SMG1: variants seen among roughly 807,000 people sequenced by gnomAD.
SMG1 encodes SMG1 nonsense mediated mRNA decay associated PI3K related kinase, also known as serine/threonine-protein kinase SMG1.
In SMG1, 22 loss-of-function variants were observed where a neutral mutation model predicts 419.9. That is an observed-to-expected ratio of 0.05 (90% CI 0.04 to 0.07). The LOEUF is 0.07. SMG1 is among the 10% of genes least tolerant of loss of function. The pLI is 1.00. For synonymous variants in SMG1, 1,538 were observed against 1,553.5 expected, an observed-to-expected ratio of 0.99 and a Z score of 0.23; for missense variants, 3,185 against 4,342.0, an observed-to-expected ratio of 0.73 and a Z score of 7.49.
At chr16:18,864,625 A>G (rs796837044) in intron 23 of SMG1, among the ~76,000 whole-genome samples, 15 of 152,118 alleles carry the variant, frequency 9.9e-5, no homozygotes, top group African/African-American at 3.4e-4. Context: ...CCTCCCAAGT[A>G]GCTGGGACTA....
chr16:18,878,450 A>C (rs546460992), intron 11 of SMG1: 3 of 152,034 alleles, frequency 2.0e-5, no homozygotes, highest in Non-Finnish European at 4.4e-5. Flanking sequence ...TCTCCAAAAA[A>C]TACAAAGGTT....
intron 29 of SMG1, chr16:18,857,111 T>A (rs1437495109): frequency 2.0e-5 from 3 of 152,208 alleles, no homozygotes; most frequent in Non-Finnish European, 4.4e-5. Flanking sequence ...CAACCCCAGG[T>A]ATATTTGGCA....
chr16:18,887,761 GTAAAAAAAAAAAAAA>G (rs2036690616), intron 6 of SMG1, among the ~76,000 whole-genome samples: 1 of 5,554 alleles, frequency 1.8e-4, no homozygotes, highest in African/African-American at 7.5e-4. Flanking sequence ...ATCAAAAACA[GTAAAAAAAAAAAAAA>G]AAAAAAAAAA....
rs1245151410 is a variant in SMG1, at chr16:18,926,209, A to C, written c.-168T>G. Reference sequence around the variant, plus strand: ...AGGAGGAGGCGGCGGAGGGCGGGGGAAGAGGACGGCCGTTCCGGGTTCCGC... The same window carrying C: ...AGGAGGAGGCGGCGGAGGGCGGGGGCAGAGGACGGCCGTTCCGGGTTCCGC... On this transcript the variant is annotated 5_prime_UTR_variant, in exon 1 of 63. Coordinates refer to ENST00000446231, the MANE Select transcript of SMG1 (RefSeq NM_015092.5). 3.8e-5 allele frequency: 23 copies of C among 608,250 alleles called. No individual in the cohort carries two copies. The East Asian group carries it at 7.6e-4, about 20-fold the overall frequency. 37.7% of individuals were successfully genotyped at this position (608,250 alleles called of 1,614,324 possible).
rs1173429107 is a variant in SMG1, at chr16:18,867,038, T to C, written c.3196-263A>G. 1.1e-4 allele frequency among the ~76,000 whole-genome samples: 16 copies of C among 152,286 alleles called. No homozygotes were observed. The East Asian group carries it at 1.2e-3, about 11-fold the overall frequency. On this transcript the variant is annotated intron_variant, in intron 22 of 62. Transcript: ENST00000446231. ...CCAAACATTCAACCTGTGACCTCTG[T>C]AGGAACAACACATGGAGTAAAAAGA...
chr16:18,888,209 G>GATACACAAATGTGAA (rs1401813038), intron 6 of SMG1, among the ~76,000 whole-genome samples: 1 of 143,268 alleles, frequency 7.0e-6, no homozygotes, highest in Non-Finnish European at 1.5e-5. Flanking sequence ...AATATATTCA[G>GATACACAAATGTGAA]ATACACAAAT....
chr16:18,820,930 T>C (rs2032472119), intron 55 of SMG1, among the ~76,000 whole-genome samples: 1 of 152,178 alleles, frequency 6.6e-6, no homozygotes, highest in African/African-American at 2.4e-5. Flanking sequence ...AAGTTTCTCT[T>C]ATGTAAAAAA....
In SMG1 at chr16:18,805,890, G is replaced by A. The variant is rs2030786159; in HGVS notation, c.*3679C>T. ...AATAGTAAAGCATTCACTGATATTT[G>A]ATGTATCTGAATAGGACTAACAGGC... is the stretch of plus-strand genomic sequence containing the variant. On this transcript the variant is annotated 3_prime_UTR_variant, in exon 63 of 63. Coordinates refer to ENST00000446231, the MANE Select transcript of SMG1 (RefSeq NM_015092.5). The A allele has an allele frequency of 6.6e-6, 1 of 152,544 alleles. No homozygotes were observed. The highest frequency in any genetic ancestry group is 2.4e-5 in the African/African-American group (1 of 41,422). 9.4% of individuals were successfully genotyped at this position (152,544 alleles called of 1,614,324 possible).
intron 51 of SMG1, among the ~76,000 whole-genome samples, chr16:18,832,328 T>C (rs1020718037): frequency 6.6e-6 from 1 of 152,204 alleles, no homozygotes; most frequent in Non-Finnish European, 1.5e-5. Flanking sequence ...CAAAGTCAGA[T>C]TGCTTTTCTG....
intron 1 of SMG1, among the ~76,000 whole-genome samples, chr16:18,922,316 G>A (rs565962616): frequency 2.2e-4 from 34 of 152,196 alleles, no homozygotes; most frequent in African/African-American, 8.2e-4. Flanking sequence ...AACCTCCATA[G>A]GTCAGATATC....
chr16:18,910,731 C>T (rs950305967), intron 1 of SMG1, among the ~76,000 whole-genome samples: 1 of 152,070 alleles, frequency 6.6e-6, no homozygotes, highest in Non-Finnish European at 1.5e-5. Flanking sequence ...TTAGAAGATG[C>T]GTGTGGTTCT....
rs4780767 is a variant in SMG1 at position 18,912,311 on chromosome 16, G to A, written c.92+13639C>T. On this transcript the variant is annotated intron_variant, in intron 1 of 62. Coordinates refer to ENST00000446231, the MANE Select transcript of SMG1 (RefSeq NM_015092.5). Reference sequence around the variant, plus strand: ...TATTTATTTGCAAAGAGAAGACAGAGATAACAATAGCAATAATAATAATGT... The same window carrying A: ...TATTTATTTGCAAAGAGAAGACAGAAATAACAATAGCAATAATAATAATGT... 3.3e-5 allele frequency among the ~76,000 whole-genome samples: 5 copies of A among 151,290 alleles called. No individual in the cohort carries two copies. In the South Asian group the frequency reaches 1.0e-3, roughly 31 times the overall value.
chr16:18,906,030 G>C (rs2037547096), intron 1 of SMG1, among the ~76,000 whole-genome samples: 1 of 152,018 alleles, frequency 6.6e-6, no homozygotes, highest in South Asian at 2.1e-4. Flanking sequence ...CCCAGTCCTG[G>C]ATAAACTCAA....
In SMG1 at chr16:18,816,508, T is replaced by C. The variant is rs915381365; in HGVS notation, c.10096A>G (p.Ile3366Val). Residue 3366 changes from isoleucine to valine, a missense_variant, in exon 58 of 63, where the codon ATT becomes GTT. Ile to Val is a conservative substitution (Grantham distance 29). Transcript: ENST00000446231. ...QRVDTGLEHPIGSSEWLLSAH... is the reference protein window; with the variant it reads ...QRVDTGLEHPVGSSEWLLSAH... ...GACAAAAGCCATTCAGAGCTGCCAA[T>C]AGGATGTTCAAGACCAGTGTCCTAA... The C allele has an allele frequency of 5.0e-6, 8 of 1,613,858 alleles. No individual in the cohort carries two copies. The highest frequency in any genetic ancestry group is 3.3e-5 in the South Asian group (3 of 91,086).
rs1408825608 is a variant in SMG1 at position 18,872,583 on chromosome 16, C to T, written c.1932G>A (p.Lys644=). Residue 644 remains lysine, a synonymous_variant, in exon 14 of 63, where the codon AAG becomes AAA. Coordinates refer to ENST00000446231, the MANE Select transcript of SMG1 (RefSeq NM_015092.5). ...GGTCACTGTGCACAATCATCAGATTCTTACTCAGAAGTGCAAAGACAGTTG... is the reference window on the plus strand; with the variant it reads ...GGTCACTGTGCACAATCATCAGATTTTTACTCAGAAGTGCAAAGACAGTTG... The part of the protein sequence containing the change: ...LSPTVFALLS[K]NLMIVHSDLA... The T allele has an allele frequency of 1.6e-5, 24 of 1,491,338 alleles. No individual in the cohort carries two copies. Among genetic ancestry groups the T allele is most frequent in the Non-Finnish European group, 2.1e-5 (23 of 1,109,978 alleles). The allele number at this position is 1,491,338 out of a possible 1,614,324, so 92.4% of individuals were successfully genotyped here.
chr16:18,849,747 T>A (rs1567364160), intron 35 of SMG1, among the ~76,000 whole-genome samples: 1 of 152,190 alleles, frequency 6.6e-6, no homozygotes, highest in African/African-American at 2.4e-5. Context: ...TATAAAAAGC[T>A]CCTGCCTTTC....
chr16:18,918,034 G>T (rs540134203), intron 1 of SMG1, among the ~76,000 whole-genome samples: 161 of 151,866 alleles, frequency 1.1e-3, no homozygotes, highest in African/African-American at 3.7e-3. Context: ...GCTGGGATGG[G>T]TGGATCACCT....
At chr16:18,840,752 T>C (rs1444524959) in intron 41 of SMG1, among the ~76,000 whole-genome samples, 4 of 152,228 alleles carry the variant, frequency 2.6e-5, no homozygotes, top group Non-Finnish European at 5.9e-5. Context: ...AGCGATTATT[T>C]ACAAATTTAA....
At chr16:18,893,719 G>C (rs1303758937) in intron 3 of SMG1, among the ~76,000 whole-genome samples, 1 of 151,962 alleles carries the variant, frequency 6.6e-6, no homozygotes, top group South Asian at 2.1e-4. Flanking sequence ...ATCACAAAGG[G>C]TCTGACAGTT....
Sources: allele counts gnomAD v4.1 joint callset (sites outside exome capture counted in the v4.1 genomes callset), GRCh38; gene constraint gnomAD v4.1.1; transcripts MANE v1.5; gene names NCBI Gene and HGNC (gene_info 2026-07-23, HGNC 2026-07-21).